The following CSMD1 variants were observed in gnomAD, a reference collection of about 807,000 sequenced individuals.
CSMD1 encodes the protein CUB and sushi domain-containing protein 1.
In CSMD1, 213 loss-of-function variants were observed where a neutral mutation model predicts 417.5. That is an observed-to-expected ratio of 0.51 (90% CI 0.46 to 0.57). CSMD1 has a LOEUF of 0.57. Ranked by LOEUF, CSMD1 falls within the 20% of genes least tolerant of loss-of-function variation. The pLI is 0.00. For missense variants in CSMD1, 6,923 were observed against 4,529.7 expected (o/e 1.53, Z -15.17); for synonymous variants, 2,862 against 1,736.8 (o/e 1.65, Z -16.11).
intron 1 of CSMD1, among the ~76,000 whole-genome samples, chr8:4,741,356 C>G (rs183188145): frequency 1.4e-4 from 21 of 152,296 alleles, no homozygotes; most frequent in East Asian, 5.8e-4. Flanking sequence ...CTACATTATT[C>G]TAATTCAGCA....
At chr8:2,966,484 A>T in intron 58 of CSMD1, 86 bp downstream of exon 58, 11 of 1,170,394 alleles carry the variant, frequency 9.4e-6, no homozygotes, top group Non-Finnish European at 1.3e-5. Context: ...ATAAAAAAAC[A>T]GTATAACACC....
intron 2 of CSMD1, among the ~76,000 whole-genome samples, chr8:4,471,738 A>T (rs1191847212): frequency 8.7e-6 from 1 of 114,308 alleles, no homozygotes; most frequent in Non-Finnish European, 2.2e-5. Flanking sequence ...CACGCGGAGA[A>T]AAGAAGTTAG....
intron 7 of CSMD1, among the ~76,000 whole-genome samples, chr8:3,622,656 G>A (rs1186864729): frequency 6.6e-6 from 1 of 152,224 alleles, no homozygotes; most frequent in East Asian, 1.9e-4. Context: ...AACAAAAAGT[G>A]ATTAGAGATT....
chr8:4,308,455 G>C (rs941707633), intron 3 of CSMD1, among the ~76,000 whole-genome samples: 1 of 152,226 alleles, frequency 6.6e-6, no homozygotes, highest in East Asian at 1.9e-4. Context: ...GTTTAGAAAA[G>C]GATGTGATCT....
chr8:3,697,406 T>G (rs1800614426), intron 7 of CSMD1, among the ~76,000 whole-genome samples: 1 of 152,240 alleles, frequency 6.6e-6, no homozygotes, highest in South Asian at 2.1e-4. Context: ...TCTTGATATT[T>G]AACTCTTGGT....
intron 49 of CSMD1, among the ~76,000 whole-genome samples, chr8:3,084,577 T>C (rs1477906515): frequency 1.3e-5 from 2 of 151,124 alleles, no homozygotes; most frequent in Admixed American, 1.3e-4. Context: ...GGAAAGTGTG[T>C]AATTAATACT....
intron 3 of CSMD1, among the ~76,000 whole-genome samples, chr8:4,270,510 G>T (rs958307750): frequency 2.0e-5 from 3 of 152,018 alleles, no homozygotes; most frequent in African/African-American, 7.2e-5. Context: ...GCTTTTCTGA[G>T]TCTCCTCTCT....
intron 3 of CSMD1, among the ~76,000 whole-genome samples, chr8:4,060,042 C>T (rs1034635649): frequency 6.6e-6 from 1 of 152,166 alleles, no homozygotes; most frequent in Non-Finnish European, 1.5e-5. Context: ...CAAAAATCCT[C>T]AATAAAATAC....
intron 5 of CSMD1, among the ~76,000 whole-genome samples, chr8:3,979,904 A>G (rs1007342785): frequency 9.9e-5 from 15 of 152,254 alleles, no homozygotes; most frequent in African/African-American, 2.9e-4. Context: ...ACTGAAAGGC[A>G]TACTCCATAA....
At chr8:3,234,398 G>A (rs923700418) in intron 26 of CSMD1, among the ~76,000 whole-genome samples, 2 of 152,128 alleles carry the variant, frequency 1.3e-5, no homozygotes, top group East Asian at 3.9e-4. Context: ...CATGATTTCT[G>A]AGACATCATT....
At chr8:4,328,629 T>G (rs1799692371) in intron 3 of CSMD1, among the ~76,000 whole-genome samples, 1 of 149,930 alleles carries the variant, frequency 6.7e-6, no homozygotes, top group African/African-American at 2.5e-5. Flanking sequence ...TTACCATGCT[T>G]ACTTACCAAG....
intron 7 of CSMD1, among the ~76,000 whole-genome samples, chr8:3,655,033 A>G (rs1423971621): frequency 2.0e-5 from 3 of 152,232 alleles, no homozygotes; most frequent in Admixed American, 6.5e-5. Context: ...AAATTTAATT[A>G]AAATATATCA....
intron 2 of CSMD1, among the ~76,000 whole-genome samples, chr8:4,523,810 C>A (rs1360475798): frequency 6.6e-6 from 1 of 152,096 alleles, no homozygotes; most frequent in East Asian, 1.9e-4. Flanking sequence ...ACCACATTAC[C>A]ATTAAACCAT....
intron 54 of CSMD1, among the ~76,000 whole-genome samples, chr8:2,994,356 T>G (rs1806686090): frequency 6.6e-6 from 1 of 152,082 alleles, no homozygotes; most frequent in Non-Finnish European, 1.5e-5. Flanking sequence ...AACATTGCCT[T>G]GCAGTGGGTG....
intron 1 of CSMD1, among the ~76,000 whole-genome samples, chr8:4,927,291 C>G (rs754821629): frequency 1.3e-5 from 2 of 151,978 alleles, no homozygotes; most frequent in Non-Finnish European, 2.9e-5. Flanking sequence ...CTCCCGTCCT[C>G]AAGCGATCTG....
intron 3 of CSMD1, among the ~76,000 whole-genome samples, chr8:4,371,885 G>T (rs1023493435): frequency 6.6e-6 from 1 of 152,194 alleles, no homozygotes; most frequent in Non-Finnish European, 1.5e-5. Context: ...GACTGTGGAG[G>T]CCATGCAAGT....
chr8:4,818,301 A>G (rs1023379025), intron 1 of CSMD1, among the ~76,000 whole-genome samples: 18 of 152,190 alleles, frequency 1.2e-4, no homozygotes, highest in African/African-American at 3.9e-4. Context: ...GCTCGATGAA[A>G]TTGACCAAAG....
At chr8:4,517,593 G>A (rs543976203) in intron 2 of CSMD1, among the ~76,000 whole-genome samples, 2 of 152,232 alleles carry the variant, frequency 1.3e-5, no homozygotes, top group African/African-American at 2.4e-5. Flanking sequence ...TACCAAATAT[G>A]TATAATGTAT....
chr8:4,442,594 A>T (rs1798547501), intron 2 of CSMD1, among the ~76,000 whole-genome samples: 1 of 152,198 alleles, frequency 6.6e-6, no homozygotes. Flanking sequence ...GCTCTTCCCC[A>T]AATTGGCTAG....
Sources: allele counts gnomAD v4.1 joint callset (sites outside exome capture counted in the v4.1 genomes callset), GRCh38; gene constraint gnomAD v4.1.1; transcripts MANE v1.5; gene names NCBI Gene and HGNC (gene_info 2026-07-23, HGNC 2026-07-21).